Variants in WDR41 observed in about 807,000 individuals in gnomAD.
WDR41 encodes WD repeat-containing protein 41.
A neutral mutation model predicts 69.3 loss-of-function variants in WDR41; 63 were observed. The observed-to-expected ratio is 0.91, with a 90% confidence interval of 0.74 to 1.12. The LOEUF (loss-of-function observed/expected upper bound fraction) is 1.12. Ranked by LOEUF, WDR41 falls within the 50% of genes most tolerant of loss-of-function variation. The pLI is 0.00. For missense variants in WDR41, 543 were observed against 534.5 expected, an observed-to-expected ratio of 1.02 and a Z score of -0.16; for synonymous variants, 185 against 192.1, an observed-to-expected ratio of 0.96 and a Z score of 0.31.
intron 8 of WDR41, 30 bp from the exon 9 acceptor site, chr5:77,441,027 C>T (rs753251720): frequency 1.9e-5 from 30 of 1,605,812 alleles, no homozygotes; most frequent in Non-Finnish European, 2.3e-5. Flanking sequence ...GCCTCATTAT[C>T]GATCATTTTA....
chr5:77,617,598 C>T (rs146128451), intron 1 of WDR41, among the ~76,000 whole-genome samples: 2 of 151,934 alleles, frequency 1.3e-5, no homozygotes, highest in East Asian at 1.9e-4. Flanking sequence ...AGATATATAC[C>T]GATATGGGAA....
rs546330243 is a variant in WDR41, at chr5:77,446,613, A to C, written c.697+3147T>G. The stretch of plus-strand genomic sequence containing the variant: ...ATGGAGCAGAATAGACACCTCAGAA[A>C]TAACACCACACATCTACAGCCATCT... On this transcript the variant is annotated intron_variant, in intron 8 of 12. Transcript: ENST00000296679. Among the ~76,000 whole-genome samples, 6 of 152,328 alleles carry C rather than the reference A, an allele frequency of 3.9e-5. No individual in the cohort carries two copies. The South Asian group carries it at 1.2e-3, about 32-fold the overall frequency.
At chr5:77,562,349 A>G (rs1035585438) in intron 1 of WDR41, among the ~76,000 whole-genome samples, 2 of 152,138 alleles carry the variant, frequency 1.3e-5, no homozygotes, top group African/African-American at 4.8e-5. Flanking sequence ...AAGTTTTAAA[A>G]CCTGCACAGA....
intron 1 of WDR41, chr5:77,491,100 A>C (rs1224002856): frequency 8.3e-6 from 3 of 362,108 alleles, no homozygotes; most frequent in Non-Finnish European, 1.7e-5. Flanking sequence ...GAAGAATCAC[A>C]AAAGAAGTGA....
upstream of WDR41, among the ~76,000 whole-genome samples, chr5:77,497,235 AAAAAT>A (rs1401365339): frequency 6.6e-6 from 1 of 152,198 alleles, no homozygotes. Flanking sequence ...CAACAAAAGA[AAAAAT>A]AAACCAATTT....
At position 77,440,978 on chromosome 5, in the gene WDR41, G is replaced by A. The variant is rs1396238356; in HGVS notation, c.717C>T (p.Gly239=). ...AGATGATCAGCTCTCCGACGTGGGA[G>A]CCGGTGACAAAACTCAAATCTAGGC... ...INVNDLSFVT[G]SHVGELIIWD... The change falls in exon 9 of 13, where the codon GGC becomes GGT. Residue 239 remains glycine, a synonymous_variant. Coordinates refer to ENST00000296679, the MANE Select transcript of WDR41 (RefSeq NM_018268.4). 7 of 1,613,136 alleles carry A rather than the reference G, an allele frequency of 4.3e-6. No individual in the cohort carries two copies. The highest frequency in any genetic ancestry group is 2.7e-5 in the African/African-American group (2 of 74,892).
chr5:77,506,747 C>T (rs1017208859), intron 1 of WDR41, among the ~76,000 whole-genome samples: 13 of 151,994 alleles, frequency 8.6e-5, no homozygotes, highest in African/African-American at 2.7e-4. Flanking sequence ...GGGACATGGA[C>T]GAAGCTGGAA....
At chr5:77,462,029 G>A (rs950833971) in intron 4 of WDR41, among the ~76,000 whole-genome samples, 8 of 152,124 alleles carry the variant, frequency 5.3e-5, no homozygotes, top group African/African-American at 1.9e-4. Context: ...AGTCAGACTT[G>A]CCAGTTCTGC....
At chr5:77,478,706 C>T (rs1316840175) in intron 2 of WDR41, among the ~76,000 whole-genome samples, 5 of 151,774 alleles carry the variant, frequency 3.3e-5, no homozygotes, top group African/African-American at 9.7e-5. Context: ...ATGACAAACC[C>T]ACAGCCAATA....
chr5:77,442,909 A>AAAAAAAAAAAAAG (rs1294619182), intron 8 of WDR41, among the ~76,000 whole-genome samples: 11 of 148,618 alleles, frequency 7.4e-5, no homozygotes, highest in Non-Finnish European at 1.3e-4. Context: ...AAAAAAAAAA[A>AAAAAAAAAAAAAG]AAAAGGATTT....
At chr5:77,538,324 A>C (rs975908345) in intron 1 of WDR41, among the ~76,000 whole-genome samples, 2 of 152,166 alleles carry the variant, frequency 1.3e-5, no homozygotes, top group African/African-American at 4.8e-5. Context: ...TTTTAGATTC[A>C]GGAAGTACAT....
At chr5:77,437,266 G>T in intron 11 of WDR41, 70 bp downstream of exon 11, 1 of 1,253,940 alleles carries the variant, frequency 8.0e-7, no homozygotes, top group Non-Finnish European at 1.2e-6. Flanking sequence ...TCACATAATT[G>T]TCCTTCTCCT....
chr5:77,552,764 C>T (rs1202314427), intron 1 of WDR41, among the ~76,000 whole-genome samples: 2 of 152,104 alleles, frequency 1.3e-5, no homozygotes, highest in African/African-American at 4.8e-5. Context: ...ACTGACTTGA[C>T]AAAGGTGCAA....
chr5:77,606,282 G>T (rs554769983), intron 1 of WDR41, among the ~76,000 whole-genome samples: 42 of 152,286 alleles, frequency 2.8e-4, no homozygotes, highest in Middle Eastern at 3.4e-3. Context: ...TGGTCATAAG[G>T]TGTCTGATAA....
At chr5:77,542,609 G>A (rs959801885) in intron 1 of WDR41, among the ~76,000 whole-genome samples, 13 of 152,104 alleles carry the variant, frequency 8.5e-5, no homozygotes, top group Admixed American at 1.3e-4. Context: ...TAACATATAA[G>A]ACAGAGCATG....
intron 2 of WDR41, among the ~76,000 whole-genome samples, chr5:77,475,549 C>G (rs570741974): frequency 6.6e-6 from 1 of 152,298 alleles, no homozygotes; most frequent in Non-Finnish European, 1.5e-5. Flanking sequence ...AGGCACCCCC[C>G]AGAAGGGAGA....
intron 1 of WDR41, among the ~76,000 whole-genome samples, chr5:77,509,073 CTCT>C (rs908728613): frequency 7.2e-5 from 11 of 152,186 alleles, no homozygotes; most frequent in African/African-American, 1.2e-4. Flanking sequence ...CTCAGGAGAA[CTCT>C]TCTTAACTGT....
At chr5:77,596,847 G>T (rs1402718926) in intron 1 of WDR41, among the ~76,000 whole-genome samples, 1 of 152,096 alleles carries the variant, frequency 6.6e-6, no homozygotes, top group Non-Finnish European at 1.5e-5. Flanking sequence ...AGGCAAAGTG[G>T]CTCATGCTTG....
chr5:77,440,462 T>C (rs1799113401), intron 9 of WDR41, among the ~76,000 whole-genome samples: 1 of 152,326 alleles, frequency 6.6e-6, no homozygotes, highest in East Asian at 1.9e-4. Flanking sequence ...TTTAATTTTC[T>C]TTGCCTCACT....
Sources: allele counts gnomAD v4.1 joint callset (sites outside exome capture counted in the v4.1 genomes callset), GRCh38; gene constraint gnomAD v4.1.1; transcripts MANE v1.5; gene names NCBI Gene and HGNC (gene_info 2026-07-23, HGNC 2026-07-21).